GABBR2: variants seen among roughly 807,000 people sequenced by gnomAD.
GABBR2 encodes gamma-aminobutyric acid type B receptor subunit 2, also known as G-protein coupled receptor 51.
GABBR2 carries 23 observed loss-of-function variants against 105.6 expected under a neutral mutation model. That is an observed-to-expected ratio of 0.22 (90% confidence interval 0.16 to 0.31). The LOEUF is 0.31. GABBR2 is among the 10% of genes least tolerant of loss of function. GABBR2 has a pLI of 1.00. For synonymous variants in GABBR2, 478 were observed against 499.7 expected, an observed-to-expected ratio of 0.96 and a Z score of 0.58; for missense variants, 734 against 1,245.5, an observed-to-expected ratio of 0.59 and a Z score of 6.18.
intron 1 of GABBR2, among the ~76,000 whole-genome samples, chr9:98,606,639 C>T (rs916827833): frequency 2.0e-5 from 3 of 151,840 alleles, no homozygotes; most frequent in Non-Finnish European, 4.4e-5. Flanking sequence ...TGCCAACATG[C>T]CCGGTCGATT....
intron 4 of GABBR2, among the ~76,000 whole-genome samples, chr9:98,492,659 A>G (rs1217609776): frequency 6.6e-6 from 1 of 151,886 alleles, no homozygotes; most frequent in East Asian, 1.9e-4. Flanking sequence ...GGCTTTCTCT[A>G]TTTTTGATGA....
At chr9:98,482,290 T>C (rs1347762022) in intron 4 of GABBR2, among the ~76,000 whole-genome samples, 1 of 152,208 alleles carries the variant, frequency 6.6e-6, no homozygotes, top group African/African-American at 2.4e-5. Flanking sequence ...AAAGAAGGCC[T>C]GGATTCTAAA....
At chr9:98,387,460 T>C (rs574320555) in intron 10 of GABBR2, among the ~76,000 whole-genome samples, 1 of 152,230 alleles carries the variant, frequency 6.6e-6, no homozygotes, top group Admixed American at 6.5e-5. Flanking sequence ...CTAAGAGGTA[T>C]GTTGAGCATT....
At position 98,688,394 on chromosome 9, in the gene GABBR2, C is replaced by CATATATATAT. The variant is rs34589145; in HGVS notation, c.321+20013_321+20022dup. 4.8e-4 allele frequency among the ~76,000 whole-genome samples: 67 copies of CATATATATAT among 140,540 alleles called. 4 individuals are homozygous for CATATATATAT. The highest frequency in any genetic ancestry group is 1.3e-3 in the African/African-American group (50 of 37,788). 92.2% of individuals were successfully genotyped at this position (140,540 alleles called of 152,430 possible). On this transcript the variant is annotated intron_variant, in intron 1 of 18. Transcript: ENST00000259455. ...TAATTTAAGAAATAATATGTGGTTTCATATATATATATATATAAAATCTCC... is the reference window on the plus strand; with the variant it reads ...TAATTTAAGAAATAATATGTGGTTTCATATATATATATATATATATATATATAAAATCTCC...
chr9:98,380,047 T>C (rs1317374767), intron 11 of GABBR2, among the ~76,000 whole-genome samples: 1 of 152,062 alleles, frequency 6.6e-6, no homozygotes, highest in Non-Finnish European at 1.5e-5. Flanking sequence ...ATCTCAATCA[T>C]CTTTGTGGTC....
At chr9:98,643,525 C>T (rs545288173) in intron 1 of GABBR2, among the ~76,000 whole-genome samples, 10 of 152,198 alleles carry the variant, frequency 6.6e-5, no homozygotes, top group South Asian at 2.1e-4. Context: ...AGTTGGAGCC[C>T]GTTCTTTTCT....
rs78250217 is a variant in GABBR2, at chr9:98,645,476, A to T, written c.321+62941T>A. Among the ~76,000 whole-genome samples, 871 of 152,248 alleles carry T rather than the reference A, an allele frequency of 5.7e-3. 21 individuals carry two copies. In the East Asian group the frequency reaches 0.057, roughly 10 times the overall value. ...CTCTGTTACTATCATCAGAGTGTTG[A>T]AGTTGGAGGGCTACCCTGCACCTTC... On this transcript the variant is annotated intron_variant, in intron 1 of 18. Coordinates refer to ENST00000259455, the MANE Select transcript of GABBR2 (RefSeq NM_005458.8).
chr9:98,369,849 G>T (rs1017656743), intron 12 of GABBR2, among the ~76,000 whole-genome samples: 1 of 152,044 alleles, frequency 6.6e-6, no homozygotes, highest in Non-Finnish European at 1.5e-5. Context: ...GAAGATTTTT[G>T]GTAAGAGGTG....
rs887978891 is a variant in GABBR2 at position 98,613,390 on chromosome 9, T to C, written c.322-35318A>G. Among the ~76,000 whole-genome samples, 4 of 150,560 alleles carry C rather than the reference T, an allele frequency of 2.7e-5. No individual in the cohort carries two copies. In the East Asian group the frequency reaches 5.9e-4, roughly 22 times the overall value. ...AGTAGATTGCGGTTACAGTGAGCCG[T>C]GATTGTACCACTGCACTCCAGCCTT... On this transcript the variant is annotated intron_variant, in intron 1 of 18. Coordinates refer to ENST00000259455, the MANE Select transcript of GABBR2 (RefSeq NM_005458.8).
At chr9:98,512,547 T>A (rs1418264824) in intron 3 of GABBR2, among the ~76,000 whole-genome samples, 3 of 152,182 alleles carry the variant, frequency 2.0e-5, no homozygotes, top group Non-Finnish European at 4.4e-5. Flanking sequence ...GATCAGCAAC[T>A]TCAGCAAAGT....
chr9:98,658,816 G>C (rs928045950), intron 1 of GABBR2, among the ~76,000 whole-genome samples: 1 of 152,130 alleles, frequency 6.6e-6, no homozygotes, highest in African/African-American at 2.4e-5. Context: ...AGTACTAGTC[G>C]TGAGACCCCC....
intron 13 of GABBR2, among the ~76,000 whole-genome samples, chr9:98,336,233 G>A (rs996471870): frequency 2.6e-5 from 4 of 152,220 alleles, no homozygotes; most frequent in Non-Finnish European, 4.4e-5. Context: ...GAGTGTTAGA[G>A]CTCCAGACAG....
At chr9:98,609,560 G>A (rs189606326) in intron 1 of GABBR2, among the ~76,000 whole-genome samples, 222 of 152,262 alleles carry the variant, frequency 1.5e-3, no homozygotes, top group Admixed American at 3.4e-3. Context: ...ATCTGGGTGG[G>A]CTGAGCCCTA....
chr9:98,294,197 AT>A (rs1830346049), intron 17 of GABBR2, among the ~76,000 whole-genome samples: 1 of 152,238 alleles, frequency 6.6e-6, no homozygotes, highest in Non-Finnish European at 1.5e-5. Context: ...TGTAGGAAAC[AT>A]AACTTAGAAA....
intron 6 of GABBR2, among the ~76,000 whole-genome samples, chr9:98,470,352 C>A (rs979100890): frequency 1.3e-5 from 2 of 152,164 alleles, no homozygotes; most frequent in Non-Finnish European, 2.9e-5. Context: ...ACAATCATGG[C>A]AGAAGGTGAA....
At chr9:98,620,210 C>T (rs1200341667) in intron 1 of GABBR2, among the ~76,000 whole-genome samples, 1 of 151,216 alleles carries the variant, frequency 6.6e-6, no homozygotes, top group African/African-American at 2.4e-5. Flanking sequence ...ACTCATATAC[C>T]TGTTGTCTTT....
In GABBR2 at chr9:98,708,783, C is replaced by T; in HGVS notation, c.-46G>A. On this transcript the variant is annotated 5_prime_UTR_variant, in exon 1 of 19. Coordinates refer to ENST00000259455, the MANE Select transcript of GABBR2 (RefSeq NM_005458.8). ...CGCCGGCTCACTCGGCCCGCATGGC[C>T]TGGCCCGGCCCGCCGCCCCGCGCCA... 1.0e-5 allele frequency: 10 copies of T among 973,504 alleles called. No individual in the cohort carries two copies. Among genetic ancestry groups the T allele is most frequent in the Non-Finnish European group, 1.2e-5 (10 of 821,340 alleles). 60.3% of individuals were successfully genotyped at this position (973,504 alleles called of 1,614,324 possible).
intron 13 of GABBR2, among the ~76,000 whole-genome samples, chr9:98,340,552 G>A (rs57846832): frequency 0.014 from 2,137 of 152,064 alleles, 56 homozygotes; most frequent in African/African-American, 0.048. Flanking sequence ...AAGCCACCAC[G>A]CCTGGCTCAT....
chr9:98,410,657 C>T (rs921865682), intron 7 of GABBR2, among the ~76,000 whole-genome samples: 4 of 151,892 alleles, frequency 2.6e-5, no homozygotes, highest in African/African-American at 9.7e-5. Context: ...AGAGATAGGG[C>T]CCCAAAAGTA....
Sources: allele counts gnomAD v4.1 joint callset (sites outside exome capture counted in the v4.1 genomes callset), GRCh38; gene constraint gnomAD v4.1.1; transcripts MANE v1.5; gene names NCBI Gene and HGNC (gene_info 2026-07-23, HGNC 2026-07-21).